Variants in RANBP2 observed in about 807,000 individuals in gnomAD.
The protein encoded by RANBP2 is RAN binding protein 2, also known as E3 SUMO-protein ligase RanBP2.
A neutral mutation model predicts 303.6 loss-of-function variants in RANBP2; 57 were observed. The ratio of observed to expected loss-of-function variants is 0.19; its 90% CI spans 0.15 to 0.23. The LOEUF is 0.23. Ranked by LOEUF, RANBP2 falls within the 10% of genes least tolerant of loss-of-function variation. The pLI is 1.00. For missense variants in RANBP2, 3,138 were observed against 3,780.8 expected, an observed-to-expected ratio of 0.83 and a Z score of 4.46; for synonymous variants, 1,167 against 1,301.5, an observed-to-expected ratio of 0.90 and a Z score of 2.23.
At chr2:109,126,362 G>A in the RANBP2 span, among the ~76,000 whole-genome samples, 3 of 152,250 alleles carry the variant, frequency 2.0e-5, no homozygotes, top group African/African-American at 7.2e-5. Flanking sequence ...ACTGAGGGCA[G>A]AGATGTGGCG....
At chr2:109,728,954 C>CCA in the RANBP2 span, among the ~76,000 whole-genome samples, 2 of 152,124 alleles carry the variant, frequency 1.3e-5, no homozygotes, top group African/African-American at 4.8e-5. Flanking sequence ...CTCAAGCACA[C>CCA]CACTGTATGT....
chr2:109,287,375 T>C, the RANBP2 span, among the ~76,000 whole-genome samples: 1 of 152,176 alleles, frequency 6.6e-6, no homozygotes, highest in Non-Finnish European at 1.5e-5. Flanking sequence ...ACCACAGCTA[T>C]AAATAAATTG....
At chr2:109,725,283 C>T in the RANBP2 span, among the ~76,000 whole-genome samples, 1 of 152,316 alleles carries the variant, frequency 6.6e-6, no homozygotes, top group African/African-American at 2.4e-5. Context: ...CCCAAGTGTA[C>T]TCCTGGATGC....
the RANBP2 span, among the ~76,000 whole-genome samples, chr2:109,468,495 G>A: frequency 5.9e-5 from 9 of 152,112 alleles, no homozygotes; most frequent in African/African-American, 2.2e-4. Context: ...CTCAGAGAGG[G>A]CAGGAAGCAA....
chr2:108,757,430 C>T lies in RANBP2; in HGVS notation c.2467-983C>T, dbSNP rs901922867. On this transcript the variant is annotated intron_variant, in intron 17 of 28. Transcript: ENST00000283195. ...TGTTATTCCCTGCATCCGTTTCTCT[C>T]ATTTTAAGATAGGAGCTAATATTGT... 1.6e-4 allele frequency among the ~76,000 whole-genome samples: 25 copies of T among 152,306 alleles called. No individual in the cohort carries two copies. The South Asian group carries it at 1.7e-3, about 10-fold the overall frequency.
chr2:109,588,459 G>A, the RANBP2 span, among the ~76,000 whole-genome samples: 2 of 152,176 alleles, frequency 1.3e-5, no homozygotes, highest in African/African-American at 2.4e-5. Flanking sequence ...AAGGAATATT[G>A]TTATAAGGTT....
At chr2:109,374,118 C>T in the RANBP2 span, among the ~76,000 whole-genome samples, 30 of 152,170 alleles carry the variant, frequency 2.0e-4, no homozygotes, top group African/African-American at 3.1e-4. Context: ...GCCCCCACAC[C>T]CCCTCACAGG....
At chr2:108,919,419 C>T in the RANBP2 span, among the ~76,000 whole-genome samples, 2 of 152,068 alleles carry the variant, frequency 1.3e-5, no homozygotes, top group African/African-American at 2.4e-5. Flanking sequence ...AGTGCAATGG[C>T]GCAATCTCAG....
At chr2:109,722,232 G>C in the RANBP2 span, among the ~76,000 whole-genome samples, 1 of 152,180 alleles carries the variant, frequency 6.6e-6, no homozygotes, top group South Asian at 2.1e-4. Context: ...ACTTGTTGAA[G>C]AGCATCTTGA....
the RANBP2 span, among the ~76,000 whole-genome samples, chr2:109,347,094 G>C: frequency 2.6e-4 from 39 of 152,298 alleles, no homozygotes; most frequent in African/African-American, 8.4e-4. Flanking sequence ...CTGCTGCTCA[G>C]CTTCAACCCC....
At chr2:109,583,687 A>T in the RANBP2 span, among the ~76,000 whole-genome samples, 1 of 152,178 alleles carries the variant, frequency 6.6e-6, no homozygotes, top group African/African-American at 2.4e-5. Flanking sequence ...ACATGTACTC[A>T]TATGTTTCAT....
chr2:109,668,510 G>A, the RANBP2 span, among the ~76,000 whole-genome samples: 223 of 152,284 alleles, frequency 1.5e-3, 1 homozygote, highest in Middle Eastern at 6.8e-3. Context: ...AAATCCCACA[G>A]GCAACACTTG....
the RANBP2 span, among the ~76,000 whole-genome samples, chr2:109,584,738 A>T: frequency 6.6e-6 from 1 of 152,172 alleles, no homozygotes; most frequent in Non-Finnish European, 1.5e-5. Context: ...TTTACAAAAA[A>T]TTCAAGCATC....
intron 1 of RANBP2, among the ~76,000 whole-genome samples, chr2:108,723,059 TA>T (rs1694400222): frequency 6.6e-6 from 1 of 152,120 alleles, no homozygotes; most frequent in Admixed American, 6.6e-5. Flanking sequence ...ATTTGTTTTT[TA>T]GAATAGGGTC....
the RANBP2 span, among the ~76,000 whole-genome samples, chr2:108,861,566 C>T: frequency 9.3e-5 from 14 of 150,032 alleles, no homozygotes; most frequent in South Asian, 4.2e-4. Context: ...CTGCAACCTC[C>T]GCCTCCTGGG....
chr2:108,828,423 TAGAG>T, the RANBP2 span, among the ~76,000 whole-genome samples: 375 of 152,312 alleles, frequency 2.5e-3, 2 homozygotes, highest in African/African-American at 8.5e-3. Flanking sequence ...AGAACAAAGT[TAGAG>T]AGAGCTCTCA....
the RANBP2 span, among the ~76,000 whole-genome samples, chr2:109,644,328 C>G: frequency 6.6e-6 from 1 of 152,030 alleles, no homozygotes; most frequent in Admixed American, 6.6e-5. Context: ...AGACTCCAGT[C>G]TCCTGCACAG....
the RANBP2 span, among the ~76,000 whole-genome samples, chr2:109,392,796 T>A: frequency 6.6e-6 from 1 of 151,944 alleles, no homozygotes; most frequent in Admixed American, 6.6e-5. Flanking sequence ...ATTACAGGCG[T>A]CAGCCACCAC....
At chr2:109,766,314 C>A in the RANBP2 span, among the ~76,000 whole-genome samples, 1 of 150,930 alleles carries the variant, frequency 6.6e-6, no homozygotes, top group Admixed American at 6.7e-5. Context: ...TGGAGTGTTG[C>A]ATCCGCTGTG....
Sources: allele counts gnomAD v4.1 joint callset (sites outside exome capture counted in the v4.1 genomes callset), GRCh38; gene constraint gnomAD v4.1.1; transcripts MANE v1.5; gene names NCBI Gene and HGNC (gene_info 2026-07-23, HGNC 2026-07-21).